Variants in MPND observed in about 807,000 individuals in gnomAD.
MPND encodes the protein MPN domain-containing protein.
A neutral mutation model predicts 59.2 loss-of-function variants in MPND; 56 were observed. That is an observed-to-expected ratio of 0.95 (90% CI 0.76 to 1.18). The LOEUF (loss-of-function observed/expected upper bound fraction) is 1.18. Among genes scored for constraint, MPND ranks in the 50% most tolerant of loss-of-function variants. The probability of loss-of-function intolerance (pLI) is 0.00; values close to 1 mark genes in which losing one functional copy is unlikely to be tolerated. For missense variants in MPND, 671 were observed against 676.0 expected (o/e 0.99, Z 0.08); for synonymous variants, 323 against 291.9 (o/e 1.11, Z -1.09).
rs558315054 is a variant in MPND at position 4,349,296 on chromosome 19, G to A, written c.531+3315G>A. 2.3e-4 allele frequency among the ~76,000 whole-genome samples: 35 copies of A among 152,220 alleles called. No homozygotes were observed. In the East Asian group the frequency reaches 2.5e-3, roughly 11 times the overall value. ...TCACCATGTTGGTCAGGCTGGTCTCGAACTCCTGACCTCAAGTGATCCACT... is the reference window on the plus strand; with the variant it reads ...TCACCATGTTGGTCAGGCTGGTCTCAAACTCCTGACCTCAAGTGATCCACT... On this transcript the variant is annotated intron_variant, in intron 3 of 12. Transcript: ENST00000599840.
Position 4,343,926 on chromosome 19 carries a change from A to G in MPND, c.226A>G (p.Thr76Ala). The G allele has an allele frequency of 1.5e-6, 2 of 1,319,412 alleles. No individual in the cohort carries two copies. The allele number at this position is 1,319,412 out of a possible 1,614,324, so 81.7% of individuals were successfully genotyped here. ...GGGCGCGCTCACCAGGCGCGCGGTC[A>G]CACTGCGGGTGCTCCTCAAAGACGC... is the stretch of plus-strand genomic sequence containing the variant. ...PGGALTRRAVTLRVLLKDALL... is the reference protein window; with the variant it reads ...PGGALTRRAVALRVLLKDALL... The change falls in exon 2 of 13, where the codon ACA becomes GCA. Residue 76 changes from threonine to alanine, a missense_variant. Physicochemically the swap from Thr to Ala is moderately conservative, Grantham distance 58. Coordinates refer to ENST00000599840, the MANE Select transcript of MPND (RefSeq NM_001300862.2).
intron 2 of MPND, among the ~76,000 whole-genome samples, chr19:4,345,387 G>T (rs1972163889): frequency 6.6e-6 from 1 of 152,314 alleles, no homozygotes; most frequent in East Asian, 1.9e-4. Flanking sequence ...TGTTTGATTT[G>T]TGAATGGTAG....
intron 9 of MPND, 46 bp from the exon 10 acceptor site, chr19:4,357,469 C>T: frequency 6.2e-7 from 1 of 1,609,064 alleles, no homozygotes. Flanking sequence ...GGATGCTGGG[C>T]CAGCCGAGCC....
intron 2 of MPND, among the ~76,000 whole-genome samples, chr19:4,345,196 G>A (rs1483142779): frequency 1.3e-5 from 2 of 150,696 alleles, no homozygotes; most frequent in East Asian, 2.0e-4. Context: ...ACAGGCACCC[G>A]CCACCACGCC....
chr19:4,355,336 CTT>C (rs3048292), intron 8 of MPND, among the ~76,000 whole-genome samples, 163 bp downstream of exon 8: 26 of 124,436 alleles, frequency 2.1e-4, no homozygotes, highest in African/African-American at 6.2e-4. Context: ...AAGAACACTG[CTT>C]TTTTTTTTTT....
At chr19:4,344,133 C>T in intron 2 of MPND, 139 bp downstream of exon 2, 1 of 578,362 alleles carries the variant, frequency 1.7e-6, no homozygotes, top group Non-Finnish European at 2.5e-6. Context: ...GAGAGACGAG[C>T]CCCGGTGTGG....
chr19:4,358,418 C>G (rs1015276341), intron 11 of MPND: 8 of 525,088 alleles, frequency 1.5e-5, no homozygotes, highest in Admixed American at 1.0e-4. Context: ...GCCAGGCTGT[C>G]CAGTAGAGAA....
chr19:4,353,826 G>GA, intron 4 of MPND: 7 of 497,452 alleles, frequency 1.4e-5, no homozygotes, highest in South Asian at 8.7e-5. Flanking sequence ...GCTTCCCAGT[G>GA]AAAAAAAATT....
At chr19:4,349,669 C>G (rs946624186) in intron 3 of MPND, among the ~76,000 whole-genome samples, 3 of 151,954 alleles carry the variant, frequency 2.0e-5, no homozygotes, top group Non-Finnish European at 4.4e-5. Flanking sequence ...CACTACCATG[C>G]CCAGTTAATT....
At chr19:4,352,864 C>G (rs771507468) in intron 3 of MPND, 33 bp from the exon 4 acceptor site, 2 of 1,324,534 alleles carry the variant, frequency 1.5e-6, no homozygotes, top group Non-Finnish European at 9.7e-7. Flanking sequence ...AGCTGAGGGT[C>G]CCACCGCTGT....
rs370814325 is a variant in MPND at position 4,356,043 on chromosome 19, A to G, written c.996+870A>G. Among the ~76,000 whole-genome samples, 22 of 149,982 alleles carry G rather than the reference A, an allele frequency of 1.5e-4. No homozygotes were observed. The East Asian group carries it at 4.2e-3, about 29-fold the overall frequency. ...TAATTTTTGTATTTTTAGTTGAGAC[A>G]GGGTTTCACCATGTTGGCCAGGCTG... On this transcript the variant is annotated intron_variant, in intron 8 of 12. Transcript: ENST00000599840.
chr19:4,353,745 C>CA (rs2144830392), intron 4 of MPND: 1 of 305,254 alleles, frequency 3.3e-6, no homozygotes, highest in East Asian at 6.8e-5. Context: ...TATTTTTTTT[C>CA]AGAGACGAGA....
intron 4 of MPND, among the ~76,000 whole-genome samples, chr19:4,353,425 G>A (rs953847942): frequency 7.9e-5 from 12 of 151,986 alleles, no homozygotes; most frequent in African/African-American, 2.9e-4. Flanking sequence ...CAGCCGCCAC[G>A]CCTGGCTAAC....
Position 4,345,613 on chromosome 19 carries a change from G to A in MPND, c.295-132G>A, listed in dbSNP as rs1599564799. ...TCCCAGGCACTGAGGAGGCCCTGCA[G>A]CCGGCCTGAGAGGTGTTCCTGGAAG... On this transcript the variant is annotated intron_variant, in intron 2 of 12. Coordinates refer to ENST00000599840, the MANE Select transcript of MPND (RefSeq NM_001300862.2). 3.8e-6 allele frequency: 3 copies of A among 787,864 alleles called. No homozygotes were observed. The Admixed American group carries it at 7.2e-5, about 19-fold the overall frequency. 48.8% of individuals were successfully genotyped at this position (787,864 alleles called of 1,614,324 possible). A position where few individuals can be genotyped will look rare whatever the true frequency, so the allele number is the denominator to read the frequency against.
intron 1 of MPND, 29 bp downstream of exon 1, chr19:4,343,629 C>CGGGGCGGAGGCGCGGGGCGCGGGGCTGCA (rs1972116490): frequency 8.4e-7 from 1 of 1,187,114 alleles, no homozygotes; most frequent in East Asian, 3.6e-5. Flanking sequence ...GGCGGAGGCG[C>CGGGGCGGAGGCGCGGGGCGCGGGGCTGCA]GGGGCGCGGG....
intron 5 of MPND, 91 bp from the exon 6 acceptor site, chr19:4,354,233 C>T: frequency 6.7e-7 from 1 of 1,494,660 alleles, no homozygotes; most frequent in Admixed American, 1.9e-5. Flanking sequence ...AGCCTCAGAT[C>T]CTCAGAGCTG....
At position 4,354,487 on chromosome 19, in the gene MPND, TC is replaced by T. The variant is rs762486816; in HGVS notation, c.846+71del. The T allele has an allele frequency of 2.5e-4, 322 of 1,275,196 alleles. 4 individuals carry two copies. The East Asian group carries it at 7.7e-3, about 31-fold the overall frequency. 79.0% of individuals were successfully genotyped at this position (1,275,196 alleles called of 1,614,324 possible). A position where few individuals can be genotyped will look rare whatever the true frequency, so the allele number is the denominator to read the frequency against. On this transcript the variant is annotated intron_variant, in intron 6 of 12. Coordinates refer to ENST00000599840, the MANE Select transcript of MPND (RefSeq NM_001300862.2). ...CCAGTCGGTGGGCAGCGGGCGGGGC[TC>T]CCCTGCGTATCAGCTCCATGAGAGC... is the stretch of plus-strand genomic sequence containing the variant.
intron 4 of MPND, 180 bp from the exon 5 acceptor site, chr19:4,353,865 G>C (rs766762845): frequency 4.2e-5 from 24 of 569,474 alleles, no homozygotes; most frequent in Non-Finnish European, 6.9e-5. Context: ...GTCTCACTCT[G>C]TAACTCAGGC....
chr19:4,354,655 C>G (rs1972394854), intron 6 of MPND: 4 of 596,066 alleles, frequency 6.7e-6, no homozygotes, highest in Non-Finnish European at 1.2e-5. Context: ...CACCTGAACT[C>G]AGGAGTTCGA....
Sources: gnomAD v4.1 joint callset for allele counts (sites outside exome capture counted in the v4.1 genomes callset) on GRCh38, gnomAD v4.1.1 for gene constraint, MANE v1.5 for transcripts, NCBI Gene and HGNC (gene_info 2026-07-23, HGNC 2026-07-21) for gene names.